Variants in CACNA2D3 observed in about 807,000 individuals in gnomAD.
The protein encoded by CACNA2D3 is voltage-dependent calcium channel subunit alpha-2/delta-3.
In CACNA2D3, 60 loss-of-function variants were observed where a neutral mutation model predicts 160.6. That is an observed-to-expected ratio of 0.37 (90% CI 0.30 to 0.46). CACNA2D3 has a LOEUF of 0.46. Ranked by LOEUF, CACNA2D3 falls within the 20% of genes least tolerant of loss-of-function variation. CACNA2D3 has a pLI of 1.00. For missense variants in CACNA2D3, 1,205 were observed against 1,365.0 expected (o/e 0.88, Z 1.85); for synonymous variants, 558 against 492.9 (o/e 1.13, Z -1.75).
intron 9 of CACNA2D3, among the ~76,000 whole-genome samples, chr3:54,589,129 T>C (rs1424940020): frequency 6.6e-6 from 1 of 152,050 alleles, no homozygotes; most frequent in Non-Finnish European, 1.5e-5. Flanking sequence ...GCCTATTATA[T>C]AGTAACAGTA....
At chr3:54,310,815 C>G (rs1224127953) in intron 2 of CACNA2D3, among the ~76,000 whole-genome samples, 1 of 152,216 alleles carries the variant, frequency 6.6e-6, no homozygotes, top group African/African-American at 2.4e-5. Flanking sequence ...ACTTTACACA[C>G]TTCACATCAT....
At chr3:54,418,732 C>G (rs1035507495) in intron 4 of CACNA2D3, among the ~76,000 whole-genome samples, 1 of 152,154 alleles carries the variant, frequency 6.6e-6, no homozygotes, top group Non-Finnish European at 1.5e-5. Flanking sequence ...AGGATACCCT[C>G]CCTACAGGGT....
intron 5 of CACNA2D3, among the ~76,000 whole-genome samples, chr3:54,544,383 T>A (rs912794451): frequency 6.6e-6 from 1 of 151,514 alleles, no homozygotes; most frequent in African/African-American, 2.4e-5. Context: ...GATCTTACAG[T>A]GACCAAACTA....
At chr3:54,318,202 A>G (rs940629347) in intron 2 of CACNA2D3, among the ~76,000 whole-genome samples, 3 of 152,178 alleles carry the variant, frequency 2.0e-5, no homozygotes, top group Non-Finnish European at 2.9e-5. Flanking sequence ...CACACAATCT[A>G]TGATGCCAGG....
At chr3:54,493,219 A>G (rs564973222) in intron 4 of CACNA2D3, among the ~76,000 whole-genome samples, 1 of 151,838 alleles carries the variant, frequency 6.6e-6, no homozygotes. Flanking sequence ...CTGGGACTAC[A>G]GGCGCACACT....
At chr3:54,446,572 T>C (rs1406251303) in intron 4 of CACNA2D3, among the ~76,000 whole-genome samples, 1 of 152,224 alleles carries the variant, frequency 6.6e-6, no homozygotes, top group African/African-American at 2.4e-5. Flanking sequence ...ATTCACCTTT[T>C]ATCATTTTTG....
intron 4 of CACNA2D3, among the ~76,000 whole-genome samples, chr3:54,444,162 A>G (rs966964108): frequency 2.0e-5 from 3 of 152,156 alleles, no homozygotes; most frequent in African/African-American, 7.2e-5. Context: ...GAAAATATTA[A>G]CCAAGGTGCC....
chr3:54,263,695 T>C (rs1172586790), intron 2 of CACNA2D3, among the ~76,000 whole-genome samples: 1 of 152,098 alleles, frequency 6.6e-6, no homozygotes, highest in East Asian at 1.9e-4. Flanking sequence ...AGCAAACACA[T>C]GTTGTGCACC....
intron 4 of CACNA2D3, among the ~76,000 whole-genome samples, chr3:54,455,515 T>G (rs1331314994): frequency 6.6e-6 from 1 of 152,118 alleles, no homozygotes; most frequent in Non-Finnish European, 1.5e-5. Context: ...TTTTCCCATT[T>G]TGGAGGTTGT....
intron 17 of CACNA2D3, among the ~76,000 whole-genome samples, chr3:54,862,418 C>T (rs1699312739): frequency 6.6e-6 from 1 of 152,140 alleles, no homozygotes; most frequent in Non-Finnish European, 1.5e-5. Flanking sequence ...CACACACGCA[C>T]ACGTGATGAA....
chr3:54,936,138 C>T, intron 27 of CACNA2D3, among the ~76,000 whole-genome samples: 1 of 149,910 alleles, frequency 6.7e-6, no homozygotes, highest in East Asian at 1.9e-4. Flanking sequence ...AAGGGTTAAA[C>T]AGTTTTTTAT....
chr3:54,299,487 C>G (rs985041518), intron 2 of CACNA2D3, among the ~76,000 whole-genome samples: 4 of 152,152 alleles, frequency 2.6e-5, no homozygotes, highest in African/African-American at 7.2e-5. Flanking sequence ...TTTCCTTTTT[C>G]TCTGGTTAAC....
intron 2 of CACNA2D3, among the ~76,000 whole-genome samples, chr3:54,165,074 T>A (rs1700424685): frequency 6.6e-6 from 1 of 150,984 alleles, no homozygotes; most frequent in Non-Finnish European, 1.5e-5. Context: ...CTTAACTAGC[T>A]AAGTAAATGT....
intron 31 of CACNA2D3, among the ~76,000 whole-genome samples, chr3:54,992,391 C>A (rs1194819094): frequency 6.6e-6 from 1 of 152,108 alleles, no homozygotes; most frequent in African/African-American, 2.4e-5. Context: ...CTACAGCCCA[C>A]CCTCCTGAGT....
intron 29 of CACNA2D3, among the ~76,000 whole-genome samples, chr3:54,977,606 G>T (rs1454511383): frequency 1.3e-5 from 2 of 152,152 alleles, no homozygotes; most frequent in African/African-American, 4.8e-5. Flanking sequence ...CTTATATGCA[G>T]CTGTGGGGAT....
chr3:54,191,397 ACAT>A (rs10533577), intron 2 of CACNA2D3, among the ~76,000 whole-genome samples: 56,747 of 149,828 alleles, frequency 0.38, 10,869 homozygotes, highest in South Asian at 0.48. Context: ...TAAAACATCA[ACAT>A]CATCATCATC....
intron 9 of CACNA2D3, among the ~76,000 whole-genome samples, chr3:54,600,388 CG>C (rs1703039345): frequency 6.6e-6 from 1 of 152,182 alleles, no homozygotes; most frequent in Non-Finnish European, 1.5e-5. Context: ...GATCCTCCAT[CG>C]GTAACACTTA....
intron 5 of CACNA2D3, among the ~76,000 whole-genome samples, chr3:54,526,550 G>A (rs909178753): frequency 6.6e-6 from 1 of 152,074 alleles, no homozygotes; most frequent in Non-Finnish European, 1.5e-5. Context: ...TCCCTTCTCT[G>A]CCCCTCTTCC....
chr3:54,851,115 T>C (rs1206937556), intron 17 of CACNA2D3, among the ~76,000 whole-genome samples: 1 of 152,218 alleles, frequency 6.6e-6, no homozygotes, highest in Non-Finnish European at 1.5e-5. Context: ...TTGTTGGTAT[T>C]AGTATATTTT....
Sources: allele counts gnomAD v4.1 joint callset (sites outside exome capture counted in the v4.1 genomes callset), GRCh38; gene constraint gnomAD v4.1.1; transcripts MANE v1.5; gene names NCBI Gene and HGNC (gene_info 2026-07-23, HGNC 2026-07-21).